The following KCNJ6 variants were observed in gnomAD, a reference collection of about 807,000 sequenced individuals.
KCNJ6 encodes G protein-activated inward rectifier potassium channel 2.
Under a neutral mutation model 34.2 loss-of-function variants are expected in KCNJ6, and 9 were observed. The observed-to-expected ratio is 0.26, with a 90% CI of 0.16 to 0.46. KCNJ6 has a LOEUF of 0.46. KCNJ6 is among the 20% of genes least tolerant of loss of function. KCNJ6 has a pLI of 1.00. For synonymous variants in KCNJ6, 196 were observed against 207.1 expected (o/e 0.95, Z 0.46); for missense variants, 236 against 531.3 (o/e 0.44, Z 5.46).
Position 37,685,680 on chromosome 21 carries a change from CCAAAAAAAAAAAA to C in KCNJ6, c.946+28518_946+28530del, listed in dbSNP as rs1206803604. ...TGGGCGACAGAGTGAGACTCTGTCTCCAAAAAAAAAAAAAAAAAAAAAAAAAAATCTATCCTAT... is the reference window on the plus strand; with the variant it reads ...TGGGCGACAGAGTGAGACTCTGTCTCAAAAAAAAAAAAAAATCTATCCTAT... On this transcript the variant is annotated intron_variant, in intron 3 of 3. Transcript: ENST00000609713. Among the ~76,000 whole-genome samples the C allele has an allele frequency of 1.4e-3, 24 of 17,466 alleles. 2 individuals carry two copies. The highest frequency in any genetic ancestry group is 5.6e-3 in the Non-Finnish European group (19 of 3,390). 11.5% of individuals were successfully genotyped at this position (17,466 alleles called of 152,430 possible).
intron 1 of KCNJ6, among the ~76,000 whole-genome samples, chr21:37,897,757 T>C (rs773536879): frequency 3.9e-4 from 60 of 152,238 alleles, no homozygotes; most frequent in Non-Finnish European, 8.2e-4. Flanking sequence ...CCGTGCAGAC[T>C]GGACAATCGC....
chr21:37,833,108 G>C (rs905157034), intron 2 of KCNJ6, among the ~76,000 whole-genome samples: 2 of 152,034 alleles, frequency 1.3e-5, no homozygotes, highest in Admixed American at 1.3e-4. Context: ...TCCACCTCCC[G>C]GGTTCAAGCA....
chr21:37,626,093 T>C (rs2054309436), intron 3 of KCNJ6, among the ~76,000 whole-genome samples: 1 of 151,950 alleles, frequency 6.6e-6, no homozygotes, highest in African/African-American at 2.4e-5. Flanking sequence ...TTGCTCAGAC[T>C]GTGCAATCAT....
intron 1 of KCNJ6, among the ~76,000 whole-genome samples, chr21:37,855,660 C>T (rs889801229): frequency 6.6e-6 from 1 of 152,272 alleles, no homozygotes; most frequent in South Asian, 2.1e-4. Flanking sequence ...CTGCTGGGGG[C>T]CCCTCTCTCC....
At chr21:37,664,453 T>TA (rs1284455529) in intron 3 of KCNJ6, among the ~76,000 whole-genome samples, 41 of 151,948 alleles carry the variant, frequency 2.7e-4, no homozygotes, top group South Asian at 2.5e-3. Flanking sequence ...ATTAATACAG[T>TA]AAAAAAATAT....
At chr21:37,643,090 T>C (rs1281085690) in intron 3 of KCNJ6, among the ~76,000 whole-genome samples, 1 of 152,080 alleles carries the variant, frequency 6.6e-6, no homozygotes, top group African/African-American at 2.4e-5. Flanking sequence ...ACAAAAGACT[T>C]AGGATCTTTT....
At chr21:37,696,493 T>C (rs924629138) in intron 3 of KCNJ6, among the ~76,000 whole-genome samples, 5 of 152,140 alleles carry the variant, frequency 3.3e-5, no homozygotes, top group African/African-American at 1.2e-4. Flanking sequence ...AAATAACTGC[T>C]CTATAGTCTT....
chr21:37,672,443 G>T (rs1276333817), intron 3 of KCNJ6, among the ~76,000 whole-genome samples: 1 of 151,972 alleles, frequency 6.6e-6, no homozygotes, highest in Non-Finnish European at 1.5e-5. Flanking sequence ...GGGTCTGGGG[G>T]TCATCTCAGC....
chr21:37,628,431 T>G (rs1453115296), intron 3 of KCNJ6, among the ~76,000 whole-genome samples: 4 of 152,076 alleles, frequency 2.6e-5, no homozygotes, highest in African/African-American at 7.2e-5. Context: ...ACTTAACAGA[T>G]TTGAGCTGGC....
At chr21:37,832,669 G>A (rs1464713042) in intron 2 of KCNJ6, among the ~76,000 whole-genome samples, 2 of 152,128 alleles carry the variant, frequency 1.3e-5, no homozygotes, top group Non-Finnish European at 2.9e-5. Context: ...CTGTCCTCAG[G>A]TCCCTGCCTC....
rs1348378771 is a variant in KCNJ6 at position 37,607,428 on chromosome 21, T to C, written c.*17731A>G. The stretch of plus-strand genomic sequence containing the variant: ...TCAAAAAAAGAGGAACACCTCAATA[T>C]GTAAACAGTTTCCCTAACACAGCGA... On this transcript the variant is annotated 3_prime_UTR_variant, in exon 4 of 4. Coordinates refer to ENST00000609713, the MANE Select transcript of KCNJ6 (RefSeq NM_002240.5). 2.5e-4 allele frequency: 37 copies of C among 147,918 alleles called. No homozygotes were observed. In the Admixed American group the frequency reaches 2.5e-3, roughly 10 times the overall value. The allele number at this position is 147,918 out of a possible 1,614,324, so 9.2% of individuals were successfully genotyped here. A position where few individuals can be genotyped will look rare whatever the true frequency, so the allele number is the denominator to read the frequency against.
intron 1 of KCNJ6, among the ~76,000 whole-genome samples, chr21:37,873,724 C>A (rs547502707): frequency 2.0e-5 from 3 of 152,272 alleles, no homozygotes; most frequent in Admixed American, 1.3e-4. Flanking sequence ...AGCATCTTCT[C>A]CCCATCCTCA....
chr21:37,686,242 G>A (rs183931730), intron 3 of KCNJ6, among the ~76,000 whole-genome samples: 65 of 152,164 alleles, frequency 4.3e-4, no homozygotes, highest in African/African-American at 1.6e-3. Flanking sequence ...GTACTCATAC[G>A]TGCTCTCTTG....
intron 2 of KCNJ6, among the ~76,000 whole-genome samples, chr21:37,809,600 T>C (rs190509023): frequency 6.6e-6 from 1 of 152,196 alleles, no homozygotes; most frequent in Admixed American, 6.5e-5. Context: ...AAAAAGATGA[T>C]GTAAGTTTGT....
intron 1 of KCNJ6, among the ~76,000 whole-genome samples, chr21:37,883,497 C>G (rs1260818317): frequency 6.6e-6 from 1 of 152,152 alleles, no homozygotes; most frequent in Non-Finnish European, 1.5e-5. Context: ...AGCTTGTCAT[C>G]TGATGGTCTT....
chr21:37,763,674 C>T (rs1216596428), intron 2 of KCNJ6, among the ~76,000 whole-genome samples: 1 of 152,156 alleles, frequency 6.6e-6, no homozygotes, highest in African/African-American at 2.4e-5. Context: ...GGCTGTTTTT[C>T]TCTTGTTTAA....
intron 3 of KCNJ6, among the ~76,000 whole-genome samples, chr21:37,668,786 G>A (rs2054528908): frequency 6.6e-6 from 1 of 152,040 alleles, no homozygotes; most frequent in Non-Finnish European, 1.5e-5. Context: ...GATCCTTTTT[G>A]CAAATTATAT....
intron 3 of KCNJ6, among the ~76,000 whole-genome samples, chr21:37,693,510 C>T (rs1207205504): frequency 6.6e-6 from 1 of 152,068 alleles, no homozygotes; most frequent in Non-Finnish European, 1.5e-5. Context: ...AAGCAGGGGC[C>T]ACCGTACGCC....
chr21:37,822,539 C>T (rs999062032), intron 2 of KCNJ6, among the ~76,000 whole-genome samples: 4 of 152,206 alleles, frequency 2.6e-5, no homozygotes, highest in Admixed American at 6.5e-5. Flanking sequence ...GGGAAATTAT[C>T]TGTCAAAAGA....
Sources: gnomAD v4.1 joint callset for allele counts (sites outside exome capture counted in the v4.1 genomes callset) on GRCh38, gnomAD v4.1.1 for gene constraint, MANE v1.5 for transcripts, NCBI Gene and HGNC (gene_info 2026-07-23, HGNC 2026-07-21) for gene names.